Variants in BPIFC observed in about 807,000 individuals in gnomAD.
BPIFC encodes the protein BPI fold containing family C, also known as BPI fold-containing family C protein.
BPIFC carries 60 observed loss-of-function variants against 57.6 expected under a neutral mutation model. That is an observed-to-expected ratio of 1.04 (90% CI 0.85 to 1.29). The LOEUF (loss-of-function observed/expected upper bound fraction) is 1.29, where lower values mean the gene tolerates loss of function less well. Among genes scored for constraint, BPIFC ranks in the 50% most tolerant of loss-of-function variants. The pLI is 0.00. For missense variants in BPIFC, 581 were observed against 600.5 expected (o/e 0.97, Z 0.34); for synonymous variants, 243 against 224.5 (o/e 1.08, Z -0.74).
At chr22:32,424,523 C>T (rs1387388961) in intron 13 of BPIFC, among the ~76,000 whole-genome samples, 1 of 147,892 alleles carries the variant, frequency 6.8e-6, no homozygotes, top group Non-Finnish European at 1.5e-5. Context: ...GTTTCCTCTT[C>T]CAGGCAAGGG....
At chr22:32,428,082 G>C (rs920395320) in intron 13 of BPIFC, among the ~76,000 whole-genome samples, 5 of 152,046 alleles carry the variant, frequency 3.3e-5, no homozygotes, top group South Asian at 2.1e-4. Context: ...CCTGGAAATG[G>C]GGTCACCTCA....
At chr22:32,461,536 A>G in intron 2 of BPIFC, 38 bp downstream of exon 2, 1 of 965,092 alleles carries the variant, frequency 1.0e-6, no homozygotes, top group Admixed American at 6.1e-5. Flanking sequence ...GCAGAGTGAC[A>G]GTAACAGCAT....
chr22:32,415,977 C>G lies in BPIFC; in HGVS notation c.1339G>C (p.Gly447Arg), dbSNP rs751325586. 1 of 1,585,084 alleles carries G rather than the reference C, an allele frequency of 6.3e-7. No homozygotes were observed. Among genetic ancestry groups the G allele is most frequent in the South Asian group, 1.2e-5 (1 of 86,772 alleles). ...TTGTGTGGATTGGACAGAGGAAATC[C>G]TTGCTGCAATTTTGCTAAAATATAG... ...LPLANAKLQQ[G>R]FPLSNPHKFL... Residue 447 changes from glycine to arginine, a missense_variant, in exon 16 of 17, where the codon GGA becomes CGA. Transcript: ENST00000300399.
intron 5 of BPIFC, among the ~76,000 whole-genome samples, chr22:32,446,523 T>G (rs1336264974): frequency 2.0e-5 from 3 of 152,236 alleles, no homozygotes; most frequent in African/African-American, 7.2e-5. Flanking sequence ...GAATCTATGT[T>G]GCTGTGGGGA....
chr22:32,416,953 C>T (rs1601439294), intron 15 of BPIFC, 132 bp downstream of exon 15: 1 of 896,584 alleles, frequency 1.1e-6, no homozygotes, highest in Non-Finnish European at 1.9e-6. Flanking sequence ...CTGACGCTGG[C>T]CTGGATTCAT....
At chr22:32,432,321 G>A in intron 12 of BPIFC, 52 bp downstream of exon 12, 1 of 1,585,410 alleles carries the variant, frequency 6.3e-7, no homozygotes, top group Non-Finnish European at 8.6e-7. Flanking sequence ...ACAGTCCACA[G>A]CAGGAGCAGG....
chr22:32,445,794 T>C, intron 6 of BPIFC, 47 bp downstream of exon 6: 1 of 1,603,742 alleles, frequency 6.2e-7, no homozygotes, highest in Non-Finnish European at 8.5e-7. Flanking sequence ...GATGCCTGAG[T>C]ATCCAGCCCC....
At position 32,424,735 on chromosome 22, in the gene BPIFC, TTCTTCCTCTTCTTCTTCC is replaced by T. The variant is rs1569448214; in HGVS notation, c.1218-5349_1218-5332del. 1.0e-3 allele frequency among the ~76,000 whole-genome samples: 95 copies of T among 90,594 alleles called. 4 individuals carry two copies. The highest frequency in any genetic ancestry group is 1.5e-3 in the Non-Finnish European group (68 of 46,864). 59.4% of individuals were successfully genotyped at this position (90,594 alleles called of 152,430 possible). The stretch of plus-strand genomic sequence containing the variant: ...CTTCTTCCTCTTCTTCTTCCTCTTC[TTCTTCCTCTTCTTCTTCC>T]TCTTCTTCTTCTTCTTCTTCTTCTT... On this transcript the variant is annotated intron_variant, in intron 13 of 16. Transcript: ENST00000300399.
At chr22:32,453,876 A>G (rs1934966414) in intron 3 of BPIFC, among the ~76,000 whole-genome samples, 1 of 152,164 alleles carries the variant, frequency 6.6e-6, no homozygotes, top group African/African-American at 2.4e-5. Context: ...TGAGCCAAGG[A>G]GTTTGAAACC....
chr22:32,442,860 A>T, intron 7 of BPIFC, 129 bp from the exon 8 acceptor site: 1 of 846,022 alleles, frequency 1.2e-6, no homozygotes, highest in Non-Finnish European at 1.8e-6. Context: ...TCATCGAGAC[A>T]TTCTCTTAAA....
chr22:32,446,613 G>T (rs139030275), intron 5 of BPIFC: 3 of 304,202 alleles, frequency 9.9e-6, no homozygotes, highest in East Asian at 1.7e-4. Context: ...CTCAATAAAT[G>T]GTTGTTGACT....
At chr22:32,452,349 GT>G (rs1477320219) in intron 4 of BPIFC, among the ~76,000 whole-genome samples, 1 of 151,926 alleles carries the variant, frequency 6.6e-6, no homozygotes, top group Non-Finnish European at 1.5e-5. Flanking sequence ...AAACATCTTG[GT>G]TTTGGGCTGG....
chr22:32,444,435 A>T (rs1934656120), intron 7 of BPIFC, among the ~76,000 whole-genome samples: 1 of 152,182 alleles, frequency 6.6e-6, no homozygotes, highest in South Asian at 2.1e-4. Context: ...TGAGCACTAG[A>T]GAGATGGACG....
intron 11 of BPIFC, among the ~76,000 whole-genome samples, chr22:32,433,201 T>C (rs1166958357): frequency 6.6e-6 from 1 of 152,198 alleles, no homozygotes; most frequent in Non-Finnish European, 1.5e-5. Context: ...AGACCCTGTC[T>C]CAAAAAACAA....
intron 4 of BPIFC, among the ~76,000 whole-genome samples, chr22:32,452,341 A>G (rs1934917395): frequency 6.6e-6 from 1 of 152,004 alleles, no homozygotes; most frequent in Non-Finnish European, 1.5e-5. Context: ...CCTTGTCAAA[A>G]CATCTTGGTT....
chr22:32,438,618 C>T (rs2145939451), intron 8 of BPIFC, among the ~76,000 whole-genome samples: 1 of 152,300 alleles, frequency 6.6e-6, no homozygotes, highest in Admixed American at 6.5e-5. Context: ...CTTCGAACTC[C>T]TGACCTCAAG....
chr22:32,462,679 G>A (rs1259613143), intron 1 of BPIFC, among the ~76,000 whole-genome samples: 1 of 152,128 alleles, frequency 6.6e-6, no homozygotes, highest in Non-Finnish European at 1.5e-5. Flanking sequence ...AGTAAGTAAG[G>A]CACCTGGGAA....
chr22:32,427,998 G>GAAAAA (rs1934115059), intron 13 of BPIFC, among the ~76,000 whole-genome samples: 1 of 151,806 alleles, frequency 6.6e-6, no homozygotes, highest in African/African-American at 2.4e-5. Flanking sequence ...AAACAAAACA[G>GAAAAA]AACAAAACAA....
At chr22:32,458,834 C>G (rs939257816) in intron 2 of BPIFC, among the ~76,000 whole-genome samples, 1 of 152,186 alleles carries the variant, frequency 6.6e-6, no homozygotes, top group Non-Finnish European at 1.5e-5. Context: ...ATACCTGGCA[C>G]ATAGTAGGCA....
Sources: allele counts gnomAD v4.1 joint callset (sites outside exome capture counted in the v4.1 genomes callset), GRCh38; gene constraint gnomAD v4.1.1; transcripts MANE v1.5; gene names NCBI Gene and HGNC (gene_info 2026-07-23, HGNC 2026-07-21).